The following ADAMTS17 variants were observed in gnomAD, a reference collection of about 807,000 sequenced individuals.
The protein encoded by ADAMTS17 is ADAM metallopeptidase with thrombospondin type 1 motif 17.
ADAMTS17 carries 113 observed loss-of-function variants against 141.5 expected under a neutral mutation model. That is an observed-to-expected ratio of 0.80 (90% CI 0.69 to 0.93). ADAMTS17 has a LOEUF of 0.93. Ranked by LOEUF, ADAMTS17 falls within the 40% of genes least tolerant of loss-of-function variation. The pLI, the probability that ADAMTS17 is intolerant of heterozygous loss-of-function variation, is 0.00. For missense variants in ADAMTS17, 1,659 were observed against 1,517.9 expected, an observed-to-expected ratio of 1.09 and a Z score of -1.54; for synonymous variants, 768 against 630.6, an observed-to-expected ratio of 1.22 and a Z score of -3.27.
intron 13 of ADAMTS17, among the ~76,000 whole-genome samples, chr15:100,109,928 C>T: frequency 6.6e-6 from 1 of 152,050 alleles, no homozygotes; most frequent in East Asian, 1.9e-4. Flanking sequence ...ACTGTGCACA[C>T]ACCTCCATTA....
At chr15:100,017,129 G>T (rs1254585000) in intron 18 of ADAMTS17, among the ~76,000 whole-genome samples, 3 of 152,146 alleles carry the variant, frequency 2.0e-5, no homozygotes, top group Non-Finnish European at 4.4e-5. Context: ...GAGTCATGCA[G>T]GTTGTCAGGG....
chr15:100,017,132 T>A (rs2061306454), intron 18 of ADAMTS17, among the ~76,000 whole-genome samples: 1 of 152,046 alleles, frequency 6.6e-6, no homozygotes, highest in East Asian at 1.9e-4. Flanking sequence ...TCATGCAGGT[T>A]GTCAGGGAAG....
rs371763535 is a variant in ADAMTS17 at position 100,116,936 on chromosome 15, C to T, written c.1799G>A (p.Gly600Asp). Residue 600 changes from glycine (G) to aspartate (D), a missense_variant, in exon 13 of 22, where the codon GGT becomes GAT. By Grantham distance (94) the Gly-to-Asp change is moderately conservative (BLOSUM62 -1). Transcript: ENST00000268070. ...CTGCTGGTCCCGGAAGCTGGGCAGA[C>T]CCTTGGGGCAGGGCAGGTTCTCGCA... ...AVCENLPCPK[G>D]LPSFRDQQCQ... The T allele has an allele frequency of 1.9e-6, 3 of 1,614,032 alleles. No individual in the cohort carries two copies. Among genetic ancestry groups the T allele is most frequent in the Non-Finnish European group, 2.5e-6 (3 of 1,180,042 alleles).
chr15:100,226,470 C>G (rs1306927311), intron 7 of ADAMTS17, among the ~76,000 whole-genome samples: 1 of 152,258 alleles, frequency 6.6e-6, no homozygotes, highest in East Asian at 1.9e-4. Flanking sequence ...AACTGTATAC[C>G]ATCCACATCC....
At chr15:100,063,025 G>A (rs547608827) in intron 15 of ADAMTS17, among the ~76,000 whole-genome samples, 1 of 152,272 alleles carries the variant, frequency 6.6e-6, no homozygotes, top group East Asian at 1.9e-4. Context: ...TCTGGGAATT[G>A]GGCCAAGGAT....
At chr15:99,987,611 G>A (rs1008671588) in intron 20 of ADAMTS17, among the ~76,000 whole-genome samples, 3 of 152,100 alleles carry the variant, frequency 2.0e-5, no homozygotes, top group Admixed American at 1.3e-4. Context: ...TAAACCATAC[G>A]GCAAACGTAA....
chr15:100,202,304 A>G (rs1455215611), intron 7 of ADAMTS17, among the ~76,000 whole-genome samples: 1 of 152,230 alleles, frequency 6.6e-6, no homozygotes, highest in Non-Finnish European at 1.5e-5. Context: ...CAAGGTGCAG[A>G]TGATTTTTTT....
At chr15:100,133,821 T>G (rs2141249046) in intron 10 of ADAMTS17, among the ~76,000 whole-genome samples, 1 of 152,364 alleles carries the variant, frequency 6.6e-6, no homozygotes, top group Non-Finnish European at 1.5e-5. Flanking sequence ...CATGAAGGAC[T>G]GGTACCCCGA....
rs902507653 is a variant in ADAMTS17 at position 100,124,540 on chromosome 15, C to T, written c.1721+7467G>A. ...CCCAGCCACGGCAATGGAGATGGCA[C>T]GGCCATTCTGCAAAGCTGGCAGCTG... On this transcript the variant is annotated intron_variant, in intron 12 of 21. Transcript: ENST00000268070. Among the ~76,000 whole-genome samples, 19 of 152,318 alleles carry T rather than the reference C, an allele frequency of 1.2e-4. No homozygotes were observed. The East Asian group carries it at 2.7e-3, about 22-fold the overall frequency.
At chr15:100,077,485 A>C (rs1277976524) in intron 15 of ADAMTS17, among the ~76,000 whole-genome samples, 1 of 151,488 alleles carries the variant, frequency 6.6e-6, no homozygotes, top group East Asian at 1.9e-4. Flanking sequence ...AAATCAATCA[A>C]TATAATCCTC....
intron 4 of ADAMTS17, among the ~76,000 whole-genome samples, chr15:100,269,962 G>A (rs777986213): frequency 5.3e-5 from 8 of 152,172 alleles, no homozygotes; most frequent in Non-Finnish European, 4.4e-5. Context: ...ATACAAGAAG[G>A]GCCAAATGCA....
intron 17 of ADAMTS17, among the ~76,000 whole-genome samples, chr15:100,049,498 C>T (rs1328273842): frequency 6.6e-6 from 1 of 152,202 alleles, no homozygotes; most frequent in African/African-American, 2.4e-5. Context: ...CATTCCAGAG[C>T]CATTCTGACT....
chr15:100,154,849 G>T (rs1024883637), intron 9 of ADAMTS17, among the ~76,000 whole-genome samples: 1 of 152,050 alleles, frequency 6.6e-6, no homozygotes, highest in African/African-American at 2.4e-5. Flanking sequence ...ATTCCGCAGC[G>T]GCCCAGGGGC....
chr15:100,164,292 A>G (rs2039858224), intron 8 of ADAMTS17, among the ~76,000 whole-genome samples: 1 of 152,208 alleles, frequency 6.6e-6, no homozygotes, highest in Non-Finnish European at 1.5e-5. Context: ...CAGTCAGACC[A>G]ACCTAGAAGA....
intron 7 of ADAMTS17, among the ~76,000 whole-genome samples, chr15:100,215,677 C>A (rs2041948223): frequency 6.6e-6 from 1 of 151,962 alleles, no homozygotes; most frequent in Non-Finnish European, 1.5e-5. Context: ...TTGGTCCCTC[C>A]CCAGGTGTAA....
At chr15:100,104,895 T>G (rs2036322666) in intron 14 of ADAMTS17, among the ~76,000 whole-genome samples, 1 of 152,250 alleles carries the variant, frequency 6.6e-6, no homozygotes, top group South Asian at 2.1e-4. Flanking sequence ...GTACTATATT[T>G]GAATTGAATT....
At chr15:100,338,342 C>T (rs1012303924) in intron 2 of ADAMTS17, among the ~76,000 whole-genome samples, 2 of 152,192 alleles carry the variant, frequency 1.3e-5, no homozygotes, top group African/African-American at 2.4e-5. Flanking sequence ...GCACAGATTC[C>T]ATGCAACATG....
At chr15:100,127,425 C>A (rs1055021621) in intron 12 of ADAMTS17, among the ~76,000 whole-genome samples, 1 of 152,158 alleles carries the variant, frequency 6.6e-6, no homozygotes, top group Non-Finnish European at 1.5e-5. Context: ...AGCCACGAAA[C>A]GGATTCACCT....
intron 15 of ADAMTS17, 56 bp from the exon 16 acceptor site, chr15:100,054,110 C>G: frequency 6.2e-7 from 1 of 1,607,814 alleles, no homozygotes. Flanking sequence ...GGGGATCCAG[C>G]CTGTCTTTAA....
Sources: gnomAD v4.1 joint callset for allele counts (sites outside exome capture counted in the v4.1 genomes callset) on GRCh38, gnomAD v4.1.1 for gene constraint, MANE v1.5 for transcripts, NCBI Gene and HGNC (gene_info 2026-07-23, HGNC 2026-07-21) for gene names.